The following RGS14 variants were observed in gnomAD, a reference collection of about 807,000 sequenced individuals.
RGS14 encodes the protein regulator of G-protein signaling 14.
In RGS14, 33 loss-of-function variants were observed where a neutral mutation model predicts 63.8. That is an observed-to-expected ratio of 0.52 (90% confidence interval 0.39 to 0.69). The LOEUF is 0.69. Among genes scored for constraint, RGS14 ranks in the 30% least tolerant of loss-of-function variants. RGS14 has a pLI of 0.00. For missense variants in RGS14, 739 were observed against 742.9 expected, an observed-to-expected ratio of 0.99 and a Z score of 0.06; for synonymous variants, 296 against 320.9, an observed-to-expected ratio of 0.92 and a Z score of 0.83.
rs542913380 is a variant in RGS14, at chr5:177,365,359, A to AT, written c.46-589dup. ...AGGCATCCACAACCACATCCAGCTA[A>AT]TTTTTTTTTTTTTTTGTATTTTTAG... On this transcript the variant is annotated intron_variant, in intron 1 of 14. Coordinates refer to ENST00000408923, the MANE Select transcript of RGS14 (RefSeq NM_006480.5). Among the ~76,000 whole-genome samples the AT allele has an allele frequency of 6.2e-3, 887 of 142,374 alleles. 7 individuals are homozygous for AT. Among genetic ancestry groups the AT allele is most frequent in the Middle Eastern group, 0.026 (7 of 268 alleles). The allele number at this position is 142,374 out of a possible 152,430, so 93.4% of individuals were successfully genotyped here. A position where few individuals can be genotyped will look rare whatever the true frequency, so the allele number is the denominator to read the frequency against.
intron 10 of RGS14, 25 bp downstream of exon 10, chr5:177,370,689 G>A (rs771428342): frequency 7.0e-5 from 113 of 1,611,392 alleles, no homozygotes; most frequent in Non-Finnish European, 4.2e-6. Context: ...CCCAAGTCTG[G>A]GTCCCAGGTC....
intron 1 of RGS14, among the ~76,000 whole-genome samples, chr5:177,365,404 T>C (rs542968644): frequency 6.6e-6 from 1 of 151,822 alleles, no homozygotes; most frequent in Non-Finnish European, 1.5e-5. Flanking sequence ...GGTTTCACCA[T>C]GTTGGCCAGG....
Position 177,367,787 on chromosome 5 carries a change from G to A in RGS14, c.701G>A (p.Gly234Asp). Residue 234 changes from glycine (G) to aspartate (D), a missense_variant, in exon 7 of 15, where the codon GGT (glycine) becomes GAT (aspartate). Coordinates refer to ENST00000408923, the MANE Select transcript of RGS14 (RefSeq NM_006480.5). ...EELGQLPPVEGPGGRPLRKSF... is the reference protein window; with the variant it reads ...EELGQLPPVEDPGGRPLRKSF... ...TTGGGGCAGCTGCCACCCGTTGAGG[G>A]TCCTGGGGGCCGCCCTCTCCGCAAG... The A allele has an allele frequency of 1.2e-6, 2 of 1,610,834 alleles. No homozygotes were observed.
In RGS14 at chr5:177,367,438, A is replaced by G; in HGVS notation, c.508A>G (p.Ser170Gly). Residue 170 changes from serine to glycine, a missense_variant, in exon 6 of 15, where the codon AGC becomes GGC. Transcript: ENST00000408923. Reference protein sequence around the residue: ...LQIFNLMKFDSYARFVKSPLY... With the variant: ...LQIFNLMKFDGYARFVKSPLY... ...GATCTTCAACTTGATGAAGTTCGAC[A>G]GCTATGCGCGCTTCGTCAAGTCCCC... The G allele has an allele frequency of 1.2e-6, 2 of 1,609,674 alleles. No homozygotes were observed. The highest frequency in any genetic ancestry group is 1.7e-6 in the Non-Finnish European group (2 of 1,177,530).
chr5:177,370,901 G>A lies in RGS14; in HGVS notation c.1128-4G>A, dbSNP rs374714587. ...GCCCTCTGCTGCCCGAGGGTTCCTC[G>A]CAGGCTGGAGCTGACGGCGCTGGAG... On this transcript the variant is annotated splice_region_variant and splice_polypyrimidine_tract_variant and intron_variant, in intron 10 of 14. Coordinates refer to ENST00000408923, the MANE Select transcript of RGS14 (RefSeq NM_006480.5). 3.1e-6 allele frequency: 5 copies of A among 1,602,172 alleles called. No homozygotes were observed. The South Asian group carries it at 4.4e-5, about 14-fold the overall frequency.
At chr5:177,361,168 C>T (rs959652420) in intron 1 of RGS14, among the ~76,000 whole-genome samples, 1 of 152,134 alleles carries the variant, frequency 6.6e-6, no homozygotes, top group Admixed American at 6.5e-5. Context: ...TCAGGGCACT[C>T]GAGTTCAGGG....
rs774246936 is a variant in RGS14 at position 177,371,341 on chromosome 5, C to G, written c.1337-9C>G. ...AGGCAAACACTAACTGTGGCCCTCTCTGCTGCAGGTGTGAAGATCTCCAAA... is the reference window on the plus strand; with the variant it reads ...AGGCAAACACTAACTGTGGCCCTCTGTGCTGCAGGTGTGAAGATCTCCAAA... On this transcript the variant is annotated splice_polypyrimidine_tract_variant and intron_variant, in intron 12 of 14. Coordinates refer to ENST00000408923, the MANE Select transcript of RGS14 (RefSeq NM_006480.5). This position sits in a 1 kb window ranked among gnomAD's most constrained non-coding sequence, Gnocchi z 6.1. The G allele has an allele frequency of 2.1e-5, 34 of 1,614,132 alleles. No homozygotes were observed. The South Asian group carries it at 3.4e-4, about 16-fold the overall frequency.
chr5:177,358,782 C>T lies in RGS14; in HGVS notation c.45+713C>T, dbSNP rs927838721. Among the ~76,000 whole-genome samples the T allele has an allele frequency of 2.6e-5, 4 of 152,158 alleles. No individual in the cohort carries two copies. Among genetic ancestry groups the T allele is most frequent in the South Asian group, 2.1e-4 (1 of 4,834 alleles). On this transcript the variant is annotated intron_variant, in intron 1 of 14. Transcript: ENST00000408923. The surrounding 1 kb of genome is among the most constrained non-coding windows in gnomAD (Gnocchi z 4.8). ...GCAGATGGGGCAAGCTGTGCTGGGC[C>T]TCCCTTCTCTCCCTAGGGTTCCCCC...
rs1761924758 is a variant in RGS14 at position 177,359,964 on chromosome 5, G to A, written c.45+1895G>A. Among the ~76,000 whole-genome samples, 1 of 152,148 alleles carries A rather than the reference G, an allele frequency of 6.6e-6. No individual in the cohort carries two copies. Among genetic ancestry groups the A allele is most frequent in the Non-Finnish European group, 1.5e-5 (1 of 68,010 alleles). ...GAACCCCCAGAACTGCCTGGCCCCA[G>A]TCCTCCCCTACCTCTCCTCTCACCA... On this transcript the variant is annotated intron_variant, in intron 1 of 14. Coordinates refer to ENST00000408923, the MANE Select transcript of RGS14 (RefSeq NM_006480.5). This position sits in a 1 kb window ranked among gnomAD's most constrained non-coding sequence, Gnocchi z 4.4.
chr5:177,366,873 CT>C lies in RGS14; in HGVS notation c.340-17del. The C allele has an allele frequency of 6.2e-7, 1 of 1,613,508 alleles. No homozygotes were observed. The highest frequency in any genetic ancestry group is 8.5e-7 in the Non-Finnish European group (1 of 1,179,560). ...GGCCACGCTCCCTGACCAACTCCTCCTGTCCCTCCTCCTTCAGCTAGCTCAG... is the reference window on the plus strand; with the variant it reads ...GGCCACGCTCCCTGACCAACTCCTCCGTCCCTCCTCCTTCAGCTAGCTCAG... On this transcript the variant is annotated splice_polypyrimidine_tract_variant and intron_variant, in intron 4 of 14. Transcript: ENST00000408923.
At chr5:177,362,257 A>G (rs1320969770) in intron 1 of RGS14, among the ~76,000 whole-genome samples, 2 of 152,200 alleles carry the variant, frequency 1.3e-5, no homozygotes, top group African/African-American at 4.8e-5. Context: ...TATGCTATCA[A>G]CAACTGTCAG....
chr5:177,370,560 A>T, intron 9 of RGS14, 31 bp from the exon 10 acceptor site: 1 of 1,597,466 alleles, frequency 6.3e-7, no homozygotes, highest in South Asian at 1.1e-5. Context: ...TGGGGGAGGG[A>T]CTCTTAGACC....
chr5:177,372,084 C>A lies in RGS14; in HGVS notation c.*9C>A. Reference sequence around the variant, plus strand: ...CCGACTCAGCCCTCTGACAGCTACCCAACAGTCCAGGACAGCTGCATGGCA... The same window carrying A: ...CCGACTCAGCCCTCTGACAGCTACCAAACAGTCCAGGACAGCTGCATGGCA... On this transcript the variant is annotated 3_prime_UTR_variant, in exon 15 of 15. Transcript: ENST00000408923. The A allele has an allele frequency of 6.2e-7, 1 of 1,613,004 alleles. No individual in the cohort carries two copies. The highest frequency in any genetic ancestry group is 8.5e-7 in the Non-Finnish European group (1 of 1,179,422).
chr5:177,368,019 G>T, intron 7 of RGS14, 138 bp from the exon 8 acceptor site: 1 of 1,459,982 alleles, frequency 6.8e-7, no homozygotes, highest in Non-Finnish European at 9.0e-7. Context: ...AATCTCCAAC[G>T]GTGGTGTCGC....
rs1762280886 is a variant in RGS14 at position 177,371,872 on chromosome 5, G to A, written c.1499-1G>A. On this transcript the variant is annotated splice_acceptor_variant, in intron 14 of 14. Transcript: ENST00000408923. LOFTEE classifies it high-confidence loss of function. This position sits in a 1 kb window ranked among gnomAD's most constrained non-coding sequence, Gnocchi z 6.1. ...ACCCTCATGCTGTGGCTTGCCTCCA[G>A]GCCTGGTGGAGCTGCTGAACCGGGT... 1.2e-6 allele frequency: 2 copies of A among 1,610,154 alleles called. No individual in the cohort carries two copies. Among genetic ancestry groups the A allele is most frequent in the Non-Finnish European group, 1.7e-6 (2 of 1,178,594 alleles).
Position 177,364,431 on chromosome 5 carries a change from C to G in RGS14, c.46-1532C>G, listed in dbSNP as rs1762045486. ...AGAGGGAGCTTCCATTTGGGACTTCCATTTGGGAGCTTGAGGGCTTGTGGG... is the reference window on the plus strand; with the variant it reads ...AGAGGGAGCTTCCATTTGGGACTTCGATTTGGGAGCTTGAGGGCTTGTGGG... On this transcript the variant is annotated intron_variant, in intron 1 of 14. Coordinates refer to ENST00000408923, the MANE Select transcript of RGS14 (RefSeq NM_006480.5). This position sits in a 1 kb window ranked among gnomAD's most constrained non-coding sequence, Gnocchi z 4.6. 6.6e-6 allele frequency among the ~76,000 whole-genome samples: 1 copy of G among 152,120 alleles called. No homozygotes were observed. Among genetic ancestry groups the G allele is most frequent in the African/African-American group, 2.4e-5 (1 of 41,406 alleles).
chr5:177,372,211 G>T lies in RGS14; in HGVS notation c.*136G>T, dbSNP rs572270532. ...CATGGGCAGGCCCGCAGGAAGAGCC[G>T]GTAGGGGTGGAAAGGGGACTCAGAT... On this transcript the variant is annotated 3_prime_UTR_variant, in exon 15 of 15. Coordinates refer to ENST00000408923, the MANE Select transcript of RGS14 (RefSeq NM_006480.5). 1 of 859,536 alleles carries T rather than the reference G, an allele frequency of 1.2e-6. No individual in the cohort carries two copies. The highest frequency in any genetic ancestry group is 1.8e-6 in the Non-Finnish European group (1 of 553,120). The allele number at this position is 859,536 out of a possible 1,614,324, so 53.2% of individuals were successfully genotyped here.
intron 10 of RGS14, 87 bp from the exon 11 acceptor site, chr5:177,370,818 C>T: frequency 6.4e-7 from 1 of 1,551,528 alleles, no homozygotes; most frequent in Non-Finnish European, 8.7e-7. Context: ...TTCTGCAGTT[C>T]AAGCTCCACC....
chr5:177,369,429 G>A lies in RGS14; in HGVS notation c.1053+509G>A, dbSNP rs538586862. On this transcript the variant is annotated intron_variant, in intron 9 of 14. Transcript: ENST00000408923. ...GAATGCTACCTTCCAGGGGGCCATC[G>A]GGATTTCATTTACCTAGTAGACAAG... Among the ~76,000 whole-genome samples, 18 of 152,306 alleles carry A rather than the reference G, an allele frequency of 1.2e-4. No individual in the cohort carries two copies. The South Asian group carries it at 2.5e-3, about 21-fold the overall frequency.
Sources: allele counts gnomAD v4.1 joint callset (sites outside exome capture counted in the v4.1 genomes callset), GRCh38; gene constraint gnomAD v4.1.1; non-coding constraint Gnocchi (gnomAD v3.1); transcripts MANE v1.5; gene names NCBI Gene and HGNC (gene_info 2026-07-23, HGNC 2026-07-21).